The following ETV1 variants were observed in gnomAD, a reference collection of about 807,000 sequenced individuals.
The protein encoded by ETV1 is ETS variant transcription factor 1.
A neutral mutation model predicts 62.3 loss-of-function variants in ETV1; 27 were observed. The ratio of observed to expected loss-of-function variants is 0.43; its 90% CI spans 0.32 to 0.60. The LOEUF is 0.60. Ranked by LOEUF, ETV1 falls within the 20% of genes least tolerant of loss-of-function variation. The pLI is 0.06. For missense variants in ETV1, 605 were observed against 605.8 expected (o/e 1.00, Z 0.01); for synonymous variants, 222 against 199.6 (o/e 1.11, Z -0.94).
intron 9 of ETV1, among the ~76,000 whole-genome samples, chr7:13,924,142 C>T (rs1785155312): frequency 6.6e-6 from 1 of 152,142 alleles, no homozygotes; most frequent in African/African-American, 2.4e-5. Flanking sequence ...TGTAGTCCCT[C>T]ATAAGCTTAC....
chr7:13,983,206 A>G (rs887417259), intron 5 of ETV1, among the ~76,000 whole-genome samples: 9 of 152,032 alleles, frequency 5.9e-5, no homozygotes, highest in African/African-American at 2.2e-4. Flanking sequence ...AGTGAACCTG[A>G]AAGAACATCT....
At chr7:13,916,947 AAAAGT>A (rs1340224639) in intron 9 of ETV1, among the ~76,000 whole-genome samples, 2 of 151,964 alleles carry the variant, frequency 1.3e-5, no homozygotes, top group East Asian at 1.9e-4. Flanking sequence ...AAAAAAAAGT[AAAAGT>A]AAAGTAAAGA....
chr7:13,973,327 C>T (rs924461976), intron 6 of ETV1, among the ~76,000 whole-genome samples: 1 of 152,144 alleles, frequency 6.6e-6, no homozygotes, highest in African/African-American at 2.4e-5. Flanking sequence ...AATTTACAGA[C>T]AGGCCACACA....
intron 9 of ETV1, among the ~76,000 whole-genome samples, chr7:13,918,472 A>T (rs1353062786): frequency 1.3e-5 from 2 of 152,176 alleles, no homozygotes; most frequent in Non-Finnish European, 2.9e-5. Context: ...AAAGACTTGG[A>T]ACCAACCCAA....
intron 9 of ETV1, 119 bp from the exon 10 acceptor site, chr7:13,911,426 A>G (rs1325886994): frequency 4.6e-6 from 3 of 654,544 alleles, no homozygotes; most frequent in Non-Finnish European, 8.4e-6. Context: ...TGTGGGGAAC[A>G]TGTCAACATA....
At chr7:13,952,997 C>G (rs956477334) in intron 6 of ETV1, among the ~76,000 whole-genome samples, 1 of 152,148 alleles carries the variant, frequency 6.6e-6, no homozygotes, top group Non-Finnish European at 1.5e-5. Context: ...AGGATAAGAA[C>G]AGGGAAAGGA....
At chr7:13,986,556 T>C in intron 5 of ETV1, 82 bp downstream of exon 5, 1 of 1,594,912 alleles carries the variant, frequency 6.3e-7, no homozygotes, top group Non-Finnish European at 8.5e-7. Flanking sequence ...TTGGGCTGAA[T>C]ATTAAGACAG....
rs1409203844 is a variant in ETV1 at position 13,895,830 on chromosome 7, A to G, written c.*36T>C. The G allele has an allele frequency of 6.7e-7, 1 of 1,481,850 alleles. No individual in the cohort carries two copies. Among genetic ancestry groups the G allele is most frequent in the Non-Finnish European group, 9.3e-7 (1 of 1,069,602 alleles). 91.8% of individuals were successfully genotyped at this position (1,481,850 alleles called of 1,614,324 possible). Reference sequence around the variant, plus strand: ...TCTCTGTATCTTGCAGAAAAAAGGAAAAGCGCAAAAACGCCCTGCTTGACT... The same window carrying G: ...TCTCTGTATCTTGCAGAAAAAAGGAGAAGCGCAAAAACGCCCTGCTTGACT... On this transcript the variant is annotated 3_prime_UTR_variant, in exon 14 of 14. Coordinates refer to ENST00000430479, the MANE Select transcript of ETV1 (RefSeq NM_004956.5).
chr7:13,929,830 A>G (rs2128447550), intron 9 of ETV1, among the ~76,000 whole-genome samples: 1 of 152,206 alleles, frequency 6.6e-6, no homozygotes. Flanking sequence ...CTTTGAACCT[A>G]TTGGCCAGTG....
chr7:13,900,589 G>A, intron 13 of ETV1, 149 bp downstream of exon 13: 1 of 582,448 alleles, frequency 1.7e-6, no homozygotes. Context: ...ACATAGAAAG[G>A]CTTGTAATAC....
chr7:13,918,287 C>G (rs1042038611), intron 9 of ETV1, among the ~76,000 whole-genome samples: 15 of 152,214 alleles, frequency 9.9e-5, no homozygotes, highest in African/African-American at 3.6e-4. Flanking sequence ...TTCTAGATCC[C>G]TGAGGAATTG....
At chr7:13,926,591 C>T (rs1356364936) in intron 9 of ETV1, among the ~76,000 whole-genome samples, 1 of 151,960 alleles carries the variant, frequency 6.6e-6, no homozygotes, top group East Asian at 1.9e-4. Flanking sequence ...CTTATGTGGG[C>T]ATTTGACCAT....
chr7:13,962,178 T>C (rs968655274), intron 6 of ETV1, among the ~76,000 whole-genome samples: 5 of 149,092 alleles, frequency 3.4e-5, no homozygotes. Context: ...TACAATGTTA[T>C]GTACACACAC....
At chr7:13,905,756 A>G (rs1039005096) in intron 12 of ETV1, among the ~76,000 whole-genome samples, 1 of 152,120 alleles carries the variant, frequency 6.6e-6, no homozygotes, top group Admixed American at 6.6e-5. Context: ...TTTATGTGCT[A>G]TGGCAACATT....
intron 6 of ETV1, among the ~76,000 whole-genome samples, chr7:13,947,959 A>G (rs1339618563): frequency 6.6e-6 from 1 of 152,204 alleles, no homozygotes; most frequent in Non-Finnish European, 1.5e-5. Context: ...AAGTTTGACT[A>G]ATTCACGTGT....
At chr7:13,917,271 C>T (rs1289998450) in intron 9 of ETV1, among the ~76,000 whole-genome samples, 1 of 151,656 alleles carries the variant, frequency 6.6e-6, no homozygotes, top group Admixed American at 6.6e-5. Flanking sequence ...AAAACATAGA[C>T]ACAACTGTAA....
chr7:13,939,368 A>T, intron 6 of ETV1, 122 bp from the exon 7 acceptor site: 1 of 777,314 alleles, frequency 1.3e-6, no homozygotes, highest in Non-Finnish European at 1.9e-6. Context: ...CATATGTAAG[A>T]AAAATCACGT....
In ETV1 at chr7:13,945,270, C is replaced by T. The variant is rs77562868; in HGVS notation, c.236-6024G>A. Among the ~76,000 whole-genome samples the T allele has an allele frequency of 2.3e-3, 343 of 152,096 alleles. 10 individuals are homozygous for T. The East Asian group carries it at 0.052, about 23-fold the overall frequency. On this transcript the variant is annotated intron_variant, in intron 6 of 13. Coordinates refer to ENST00000430479, the MANE Select transcript of ETV1 (RefSeq NM_004956.5). ...GATGTATGCCGCATTCAAATAGGTC[C>T]AGTAGTTGAAAAGAGTTTTTTTTAA...
chr7:13,893,266 A>T lies in ETV1; in HGVS notation c.*2600T>A. On this transcript the variant is annotated 3_prime_UTR_variant, in exon 14 of 14. Coordinates refer to ENST00000430479, the MANE Select transcript of ETV1 (RefSeq NM_004956.5). The stretch of plus-strand genomic sequence containing the variant: ...TTCAATGAGAAATTCAAAACACAAG[A>T]ATCTTGCAGAAATCAGCTGCCAGAT... 4.3e-6 allele frequency: 1 copy of T among 232,464 alleles called. No homozygotes were observed. The highest frequency in any genetic ancestry group is 6.1e-5 in the East Asian group (1 of 16,360). 14.4% of individuals were successfully genotyped at this position (232,464 alleles called of 1,614,324 possible).
Sources: gnomAD v4.1 joint callset for allele counts (sites outside exome capture counted in the v4.1 genomes callset) on GRCh38, gnomAD v4.1.1 for gene constraint, MANE v1.5 for transcripts, NCBI Gene and HGNC (gene_info 2026-07-23, HGNC 2026-07-21) for gene names.